Variants in EPB41L1 observed in about 807,000 individuals in gnomAD.
The protein encoded by EPB41L1 is erythrocyte membrane protein band 4.1 like 1, also known as band 4.1-like protein 1.
Under a neutral mutation model 97.8 loss-of-function variants are expected in EPB41L1, and 29 were observed. The observed-to-expected ratio is 0.30, with a 90% CI of 0.22 to 0.40. The LOEUF is 0.40. Among genes scored for constraint, EPB41L1 ranks in the 10% least tolerant of loss-of-function variants. EPB41L1 has a pLI of 1.00. For synonymous variants in EPB41L1, 383 were observed against 459.2 expected (o/e 0.83, Z 2.12); for missense variants, 812 against 1,162.3 (o/e 0.70, Z 4.38).
chr20:36,159,715 A>C (rs1013038892), intron 1 of EPB41L1, among the ~76,000 whole-genome samples: 1 of 152,240 alleles, frequency 6.6e-6, no homozygotes, highest in East Asian at 1.9e-4. Context: ...TATTCTTGCT[A>C]TTCCCTACTT....
At position 36,190,616 on chromosome 20, in the gene EPB41L1, C is replaced by T; in HGVS notation, c.1125-6C>T. 1 of 1,613,930 alleles carries T rather than the reference C, an allele frequency of 6.2e-7. No homozygotes were observed. The highest frequency in any genetic ancestry group is 8.5e-7 in the Non-Finnish European group (1 of 1,179,998). On this transcript the variant is annotated splice_polypyrimidine_tract_variant and splice_region_variant and intron_variant, in intron 10 of 21. Transcript: ENST00000338074. This position sits in a 1 kb window ranked among gnomAD's most constrained non-coding sequence, Gnocchi z 5.8. The stretch of plus-strand genomic sequence containing the variant: ...CCTCCTCCTCCCCTGCATCCCTCTG[C>T]TGCAGGCTGGTGTCCCCTGAGCCCC...
rs2146789628 is a variant in EPB41L1, at chr20:36,209,258, G to C, written c.1669-230G>C. The stretch of plus-strand genomic sequence containing the variant: ...CTTTGTACTTGCTTTTGCCATCAGT[G>C]TGAGACCCTCAGAAAGGGGCATCTC... On this transcript the variant is annotated intron_variant, in intron 14 of 21. Coordinates refer to ENST00000338074, the MANE Select transcript of EPB41L1 (RefSeq NM_012156.2). The surrounding 1 kb of genome is among the most constrained non-coding windows in gnomAD (Gnocchi z 4.2). Among the ~76,000 whole-genome samples, 2 of 152,278 alleles carry C rather than the reference G, an allele frequency of 1.3e-5. No individual in the cohort carries two copies. Among genetic ancestry groups the C allele is most frequent in the South Asian group, 4.1e-4 (2 of 4,820 alleles).
intron 1 of EPB41L1, among the ~76,000 whole-genome samples, chr20:36,104,285 C>A (rs1044573437): frequency 6.6e-6 from 1 of 152,042 alleles, no homozygotes; most frequent in Non-Finnish European, 1.5e-5. Context: ...TGGGAGGAGA[C>A]CCATATTCCC....
In EPB41L1 at chr20:36,212,619, A is replaced by G. The variant is rs2063199721; in HGVS notation, c.2184+243A>G. Among the ~76,000 whole-genome samples the G allele has an allele frequency of 6.6e-6, 1 of 152,232 alleles. No individual in the cohort carries two copies. Among genetic ancestry groups the G allele is most frequent in the African/African-American group, 2.4e-5 (1 of 41,470 alleles). On this transcript the variant is annotated intron_variant, in intron 16 of 21. Transcript: ENST00000338074. This position sits in a 1 kb window ranked among gnomAD's most constrained non-coding sequence, Gnocchi z 4.8. Reference sequence around the variant, plus strand: ...TCTTAAAGCCTCCATTTAGCCATCCATAAAATGGGAATGACCCTGTCTACC... The same window carrying G: ...TCTTAAAGCCTCCATTTAGCCATCCGTAAAATGGGAATGACCCTGTCTACC...
chr20:36,182,130 GAAT>G (rs1336611648), intron 5 of EPB41L1, 139 bp from the exon 6 acceptor site: 1 of 758,990 alleles, frequency 1.3e-6, no homozygotes, highest in African/African-American at 1.7e-5. Flanking sequence ...TGTCAAATGG[GAAT>G]AATGTTCCAG....
intron 2 of EPB41L1, among the ~76,000 whole-genome samples, chr20:36,121,074 GAAA>G (rs5841226): frequency 2.1e-5 from 3 of 141,788 alleles, no homozygotes; most frequent in African/African-American, 2.6e-5. Context: ...TGTCTGACAT[GAAA>G]AAAAAAAAAA....
intron 1 of EPB41L1, among the ~76,000 whole-genome samples, chr20:36,163,869 T>A (rs1465918904): frequency 6.7e-6 from 1 of 148,978 alleles, no homozygotes; most frequent in Non-Finnish European, 1.5e-5. Context: ...TTCTTTATTA[T>A]TTTTTTTTTA....
At chr20:36,099,758 T>TGTG (rs1349938507) in intron 1 of EPB41L1, among the ~76,000 whole-genome samples, 1 of 152,130 alleles carries the variant, frequency 6.6e-6, no homozygotes, top group African/African-American at 2.4e-5. Context: ...TGGTCAGTGG[T>TGTG]AATTGGAACA....
upstream of EPB41L1, chr20:36,149,759 C>CG (rs1569136494): frequency 6.6e-6 from 1 of 152,508 alleles, no homozygotes; most frequent in African/African-American, 2.4e-5. Flanking sequence ...GCTGCCCTCC[C>CG]GGGCAGGAGC....
chr20:36,189,042 A>G (rs1040150926), intron 9 of EPB41L1, among the ~76,000 whole-genome samples: 2 of 152,208 alleles, frequency 1.3e-5, no homozygotes, highest in Admixed American at 6.5e-5. Context: ...TATACATACA[A>G]CACACACAAA....
At chr20:36,112,388 T>C (rs2058434058) in intron 1 of EPB41L1, 1 of 152,260 alleles carries the variant, frequency 6.6e-6, no homozygotes. Flanking sequence ...GCTCATGAAC[T>C]CCTGTTCTGA....
chr20:36,206,950 G>A lies in EPB41L1; in HGVS notation c.1669-2538G>A. ...CCTTCCTCGGGCCATCCCTCTGAAT[G>A]TCAGGAAGCCAGTCAAACCAGACAG... On this transcript the variant is annotated intron_variant, in intron 14 of 21. Coordinates refer to ENST00000338074, the MANE Select transcript of EPB41L1 (RefSeq NM_012156.2). The surrounding 1 kb of genome is among the most constrained non-coding windows in gnomAD (Gnocchi z 5.5). The A allele has an allele frequency of 7.8e-7, 1 of 1,289,936 alleles. No homozygotes were observed. Among genetic ancestry groups the A allele is most frequent in the Non-Finnish European group, 1.0e-6 (1 of 988,898 alleles). 79.9% of individuals were successfully genotyped at this position (1,289,936 alleles called of 1,614,324 possible).
Position 36,190,573 on chromosome 20 carries a change from G to A in EPB41L1, c.1125-49G>A. On this transcript the variant is annotated intron_variant, in intron 10 of 21. Coordinates refer to ENST00000338074, the MANE Select transcript of EPB41L1 (RefSeq NM_012156.2). The surrounding 1 kb of genome is among the most constrained non-coding windows in gnomAD (Gnocchi z 5.8). ...CCAGCTGTGGTCTAACCTTGGGCCT[G>A]GCAGTGCAGGTCTGATTCCTCCTCC... is the stretch of plus-strand genomic sequence containing the variant. 1 of 1,610,398 alleles carries A rather than the reference G, an allele frequency of 6.2e-7. No individual in the cohort carries two copies. Among genetic ancestry groups the A allele is most frequent in the African/African-American group, 1.3e-5 (1 of 74,982 alleles).
At chr20:36,171,693 A>G (rs2060996244) in intron 1 of EPB41L1, among the ~76,000 whole-genome samples, 1 of 152,086 alleles carries the variant, frequency 6.6e-6, no homozygotes, top group Admixed American at 6.5e-5. Flanking sequence ...GCTGATGTCC[A>G]CTGAGATGCA....
At chr20:36,122,110 C>T (rs973113396) in intron 2 of EPB41L1, among the ~76,000 whole-genome samples, 2 of 152,118 alleles carry the variant, frequency 1.3e-5, no homozygotes, top group African/African-American at 2.4e-5. Flanking sequence ...CGTGTGTGCA[C>T]CTGGCCAGGT....
At chr20:36,146,256 C>T (rs1488386030) in intron 2 of EPB41L1, among the ~76,000 whole-genome samples, 1 of 152,204 alleles carries the variant, frequency 6.6e-6, no homozygotes, top group Non-Finnish European at 1.5e-5. Flanking sequence ...CCTCCAGGTA[C>T]ACAGAGGAGT....
chr20:36,207,003 A>G lies in EPB41L1; in HGVS notation c.1669-2485A>G, dbSNP rs756111752. 7.8e-7 allele frequency: 1 copy of G among 1,289,874 alleles called. No homozygotes were observed. The highest frequency in any genetic ancestry group is 1.2e-5 in the South Asian group (1 of 81,018). The allele number at this position is 1,289,874 out of a possible 1,614,324, so 79.9% of individuals were successfully genotyped here. A position where few individuals can be genotyped will look rare whatever the true frequency, so the allele number is the denominator to read the frequency against. The stretch of plus-strand genomic sequence containing the variant: ...GCAACTTCCCACCCAAAGAGAGGGG[A>G]GTGGTTCCCACCCAGAAAGGAGGGG... On this transcript the variant is annotated intron_variant, in intron 14 of 21. Coordinates refer to ENST00000338074, the MANE Select transcript of EPB41L1 (RefSeq NM_012156.2). The surrounding 1 kb of genome is among the most constrained non-coding windows in gnomAD (Gnocchi z 4.9).
chr20:36,215,044 C>A (rs1162516780), intron 17 of EPB41L1, among the ~76,000 whole-genome samples: 1 of 149,812 alleles, frequency 6.7e-6, no homozygotes, highest in African/African-American at 2.5e-5. Context: ...TAAGAGACCC[C>A]GGCAACACTA....
intron 2 of EPB41L1, among the ~76,000 whole-genome samples, chr20:36,143,130 GGTGTGTTTGTGTGTGTGT>G (rs1387833915): frequency 5.1e-5 from 7 of 138,058 alleles, no homozygotes. Context: ...TGTGAGGGAG[GGTGTGTTTGTGTGTGTGT>G]GTGTGTGTGT....
Sources: allele counts gnomAD v4.1 joint callset (sites outside exome capture counted in the v4.1 genomes callset), GRCh38; gene constraint gnomAD v4.1.1; non-coding constraint Gnocchi (gnomAD v3.1); transcripts MANE v1.5; gene names NCBI Gene and HGNC (gene_info 2026-07-23, HGNC 2026-07-21).